Variants in COL23A1 observed in about 807,000 individuals in gnomAD.
The protein encoded by COL23A1 is collagen alpha-1(XXIII) chain.
In COL23A1, 97 loss-of-function variants were observed where a neutral mutation model predicts 99.3. The observed-to-expected ratio is 0.98, with a 90% confidence interval of 0.83 to 1.16. The LOEUF (loss-of-function observed/expected upper bound fraction) is 1.16. Ranked by LOEUF, COL23A1 falls within the 50% of genes most tolerant of loss-of-function variation. COL23A1 has a pLI of 0.00. For synonymous variants in COL23A1, 320 were observed against 308.2 expected (o/e 1.04, Z -0.40); for missense variants, 762 against 757.4 (o/e 1.01, Z -0.07).
Position 178,280,754 on chromosome 5 carries a change from C to T in COL23A1, c.441+7570G>A, listed in dbSNP as rs1415730862. ...CAAAGCGCAGGACCAACCCCCTCTG[C>T]TGGGCCCCCTACACTGCTGTCCCTG... On this transcript the variant is annotated intron_variant, in intron 5 of 28. Coordinates refer to ENST00000390654, the MANE Select transcript of COL23A1 (RefSeq NM_173465.4). The surrounding 1 kb of genome is among the most constrained non-coding windows in gnomAD (Gnocchi z 4.9). 1.3e-5 allele frequency among the ~76,000 whole-genome samples: 2 copies of T among 152,158 alleles called. No individual in the cohort carries two copies. Among genetic ancestry groups the T allele is most frequent in the Non-Finnish European group, 2.9e-5 (2 of 68,030 alleles).
intron 2 of COL23A1, among the ~76,000 whole-genome samples, chr5:178,543,353 C>T (rs542480067): frequency 6.6e-6 from 1 of 152,262 alleles, no homozygotes; most frequent in African/African-American, 2.4e-5. Context: ...GTGATTCTCC[C>T]ACCTTGGCCT....
intron 2 of COL23A1, among the ~76,000 whole-genome samples, chr5:178,346,371 T>A (rs2127670332): frequency 6.6e-6 from 1 of 152,198 alleles, no homozygotes. Context: ...GTAGCTGGGA[T>A]TTCAGGGGCC....
At chr5:178,296,421 GC>G (rs1276907198) in intron 3 of COL23A1, among the ~76,000 whole-genome samples, 1 of 152,158 alleles carries the variant, frequency 6.6e-6, no homozygotes, top group Non-Finnish European at 1.5e-5. Context: ...AGGCTACCAT[GC>G]CCAGGGTCAT....
intron 2 of COL23A1, among the ~76,000 whole-genome samples, chr5:178,454,061 C>G (rs1014271538): frequency 6.6e-6 from 1 of 152,062 alleles, no homozygotes; most frequent in South Asian, 2.1e-4. Context: ...GCCCTCTGTC[C>G]GTCTTCATAC....
chr5:178,328,517 A>G (rs1759826594), intron 2 of COL23A1, among the ~76,000 whole-genome samples: 1 of 152,194 alleles, frequency 6.6e-6, no homozygotes, highest in Non-Finnish European at 1.5e-5. Context: ...TCTGGGCCTT[A>G]GTTTTCCCAC....
intron 3 of COL23A1, among the ~76,000 whole-genome samples, chr5:178,292,511 G>A (rs1232850849): frequency 1.3e-5 from 2 of 152,204 alleles, no homozygotes; most frequent in African/African-American, 4.8e-5. Flanking sequence ...AGTGGGAGGT[G>A]GCTTTAGAGG....
At chr5:178,254,645 G>C (rs1436942275) in intron 16 of COL23A1, among the ~76,000 whole-genome samples, 2 of 152,202 alleles carry the variant, frequency 1.3e-5, no homozygotes, top group Non-Finnish European at 2.9e-5. Flanking sequence ...GGTCCCAGGA[G>C]ACACCGGTGG....
rs766020736 is a variant in COL23A1 at position 178,387,031 on chromosome 5, C to T, written c.362-80112G>A. On this transcript the variant is annotated intron_variant, in intron 2 of 28. Transcript: ENST00000390654. This position sits in a 1 kb window ranked among gnomAD's most constrained non-coding sequence, Gnocchi z 4.7. ...GCCTCTGGACTTCAGCTCCAGGTTT[C>T]GTCTCTCGCTCCAGGCTTCCTGCTG... Among the ~76,000 whole-genome samples the T allele has an allele frequency of 4.3e-4, 65 of 152,262 alleles. No homozygotes were observed. Among genetic ancestry groups the T allele is most frequent in the Non-Finnish European group, 1.8e-4 (12 of 68,000 alleles).
At chr5:178,518,432 G>A (rs1562046217) in intron 2 of COL23A1, among the ~76,000 whole-genome samples, 1 of 145,504 alleles carries the variant, frequency 6.9e-6, no homozygotes, top group Non-Finnish European at 1.5e-5. Context: ...AGACGGGGTG[G>A]TGGCCGGGCA....
chr5:178,500,680 A>C (rs1265418776), intron 2 of COL23A1, among the ~76,000 whole-genome samples: 2 of 151,770 alleles, frequency 1.3e-5, no homozygotes, highest in African/African-American at 4.8e-5. Flanking sequence ...TCCCTACCCC[A>C]TAACATACAC....
chr5:178,523,201 T>TATATATATAGAGAGAG (rs1223542330), intron 2 of COL23A1, among the ~76,000 whole-genome samples: 77 of 77,604 alleles, frequency 9.9e-4, no homozygotes, highest in South Asian at 4.7e-3. Flanking sequence ...TATATATATA[T>TATATATATAGAGAGAG]AGAGAGAGAG....
At position 178,269,089 on chromosome 5, in the gene COL23A1, G is replaced by C. The variant is rs117243492; in HGVS notation, c.469-333C>G. 5.4e-3 allele frequency among the ~76,000 whole-genome samples: 818 copies of C among 152,168 alleles called. 19 individuals are homozygous for C. Among genetic ancestry groups the C allele is most frequent in the Admixed American group, 0.046 (696 of 15,290 alleles). ...TTCCCTACTGCTCAGCACCCGCCCTGTCATTGTCAGTGGGAGACCACTGCC... is the reference window on the plus strand; with the variant it reads ...TTCCCTACTGCTCAGCACCCGCCCTCTCATTGTCAGTGGGAGACCACTGCC... On this transcript the variant is annotated intron_variant, in intron 6 of 28. Transcript: ENST00000390654.
At chr5:178,401,808 A>T (rs377493023) in intron 2 of COL23A1, among the ~76,000 whole-genome samples, 2 of 152,054 alleles carry the variant, frequency 1.3e-5, no homozygotes, top group African/African-American at 4.8e-5. Context: ...TGGTATTGCT[A>T]ATTGCCTTTG....
chr5:178,545,927 C>T (rs1289526914), intron 2 of COL23A1, among the ~76,000 whole-genome samples: 1 of 152,190 alleles, frequency 6.6e-6, no homozygotes, highest in Non-Finnish European at 1.5e-5. Context: ...CGTATTACCC[C>T]ATTTTATGCA....
chr5:178,570,429 C>T (rs1006463245), intron 1 of COL23A1, among the ~76,000 whole-genome samples: 2 of 151,966 alleles, frequency 1.3e-5, no homozygotes, highest in African/African-American at 4.8e-5. Context: ...TACTTTTGAC[C>T]AATGTACTGT....
chr5:178,448,410 G>A lies in COL23A1; in HGVS notation c.361+112272C>T, dbSNP rs529654071. Among the ~76,000 whole-genome samples the A allele has an allele frequency of 5.4e-4, 81 of 148,696 alleles. 4 individuals are homozygous for A. The highest frequency in any genetic ancestry group is 1.8e-3 in the African/African-American group (71 of 40,142). On this transcript the variant is annotated intron_variant, in intron 2 of 28. Transcript: ENST00000390654. ...CCGTTTTGTTCTGTTAGTGCTAGTC[G>A]CAGTCCGTTTTGTTCTGTTAGTGCT...
rs7703987 is a variant in COL23A1, at chr5:178,492,893, T to A, written c.361+67789A>T. Among the ~76,000 whole-genome samples the A allele has an allele frequency of 6.6e-3, 999 of 152,196 alleles. 13 individuals are homozygous for A. The highest frequency in any genetic ancestry group is 0.02 in the African/African-American group (841 of 41,510). ...TGGCTGAACTTCTCTGTGCCTCAGT[T>A]CCTTGTCCGTGAAATGCGGGTAATG... On this transcript the variant is annotated intron_variant, in intron 2 of 28. Coordinates refer to ENST00000390654, the MANE Select transcript of COL23A1 (RefSeq NM_173465.4).
chr5:178,534,580 A>G (rs1211347722), intron 2 of COL23A1, among the ~76,000 whole-genome samples: 1 of 152,118 alleles, frequency 6.6e-6, no homozygotes, highest in Non-Finnish European at 1.5e-5. Flanking sequence ...GGAGTTTGAG[A>G]CCAGCTTGAC....
chr5:178,478,633 T>G (rs1757158656), intron 2 of COL23A1, among the ~76,000 whole-genome samples: 1 of 152,194 alleles, frequency 6.6e-6, no homozygotes, highest in African/African-American at 2.4e-5. Flanking sequence ...ACCCCTCCCT[T>G]CCTGTGTCCA....
Sources: allele counts gnomAD v4.1 joint callset (sites outside exome capture counted in the v4.1 genomes callset), GRCh38; gene constraint gnomAD v4.1.1; non-coding constraint Gnocchi (gnomAD v3.1); transcripts MANE v1.5; gene names NCBI Gene and HGNC (gene_info 2026-07-23, HGNC 2026-07-21).